SMC6: variants seen among roughly 807,000 people sequenced by gnomAD.
SMC6 encodes structural maintenance of chromosomes protein 6.
Under a neutral mutation model 142.2 loss-of-function variants are expected in SMC6, and 79 were observed. The ratio of observed to expected loss-of-function variants is 0.56; its 90% CI spans 0.46 to 0.67. The LOEUF (loss-of-function observed/expected upper bound fraction) is 0.67, where lower values mean the gene tolerates loss of function less well. Among genes scored for constraint, SMC6 ranks in the 30% least tolerant of loss-of-function variants. The probability of loss-of-function intolerance (pLI) is 0.00; values close to 1 mark genes in which losing one functional copy is unlikely to be tolerated. For missense variants in SMC6, 1,072 were observed against 1,284.0 expected, an observed-to-expected ratio of 0.83 and a Z score of 2.52; for synonymous variants, 411 against 412.4, an observed-to-expected ratio of 1.00 and a Z score of 0.04.
intron 9 of SMC6, among the ~76,000 whole-genome samples, chr2:17,722,604 T>C (rs576552646): frequency 6.6e-6 from 1 of 152,306 alleles, no homozygotes; most frequent in East Asian, 1.9e-4. Context: ...CTGTTTTCAC[T>C]GCTACTGAAA....
In SMC6 at chr2:17,695,315, T is replaced by C; in HGVS notation, c.2533-18A>G. ...ATTTTCTCCTAAGAAAGTAGATGTT[T>C]ATATCTTTAAAACTCTTCTTTGATA... On this transcript the variant is annotated intron_variant, in intron 22 of 27. Coordinates refer to ENST00000448223, the MANE Select transcript of SMC6 (RefSeq NM_001142286.2). 6.2e-7 allele frequency: 1 copy of C among 1,606,434 alleles called. No homozygotes were observed. Among genetic ancestry groups the C allele is most frequent in the Non-Finnish European group, 8.5e-7 (1 of 1,178,120 alleles).
chr2:17,731,194 A>T, intron 6 of SMC6, 55 bp from the exon 7 acceptor site: 2 of 1,168,802 alleles, frequency 1.7e-6, no homozygotes, highest in Non-Finnish European at 2.5e-6. Flanking sequence ...ATAACACAGA[A>T]AAAATGTATA....
intron 25 of SMC6, 37 bp from the exon 26 acceptor site, chr2:17,670,612 A>C: frequency 6.7e-7 from 1 of 1,494,046 alleles, no homozygotes; most frequent in Non-Finnish European, 8.9e-7. Context: ...CAAAAAACTA[A>C]GTAAATGAAA....
chr2:17,696,160 T>G, intron 22 of SMC6, 129 bp downstream of exon 22: 1 of 1,170,070 alleles, frequency 8.5e-7, no homozygotes, highest in South Asian at 1.6e-5. Flanking sequence ...CCCAAACACC[T>G]ATTACTCTAT....
At chr2:17,701,238 C>T (rs1221732082) in intron 20 of SMC6, among the ~76,000 whole-genome samples, 1 of 151,932 alleles carries the variant, frequency 6.6e-6, no homozygotes, top group Non-Finnish European at 1.5e-5. Context: ...AGTTAATATG[C>T]TTCCTGATAC....
At position 17,712,077 on chromosome 2, in the gene SMC6, T is replaced by C. The variant is rs577693033; in HGVS notation, c.1730+2784A>G. ...CTAAAGAGTATGAGAACCAAGAAAA[T>C]GGTGTCATAGTAACAAAAGGAATAT... On this transcript the variant is annotated intron_variant, in intron 16 of 27. Coordinates refer to ENST00000448223, the MANE Select transcript of SMC6 (RefSeq NM_001142286.2). 3.9e-5 allele frequency among the ~76,000 whole-genome samples: 6 copies of C among 151,902 alleles called. No individual in the cohort carries two copies. In the East Asian group the frequency reaches 9.7e-4, roughly 25 times the overall value.
At chr2:17,734,280 T>C (rs1161520634) in intron 5 of SMC6, among the ~76,000 whole-genome samples, 5 of 152,234 alleles carry the variant, frequency 3.3e-5, no homozygotes, top group African/African-American at 4.8e-5. Context: ...TATATATCCC[T>C]GCATCTTTAT....
At chr2:17,686,152 C>T (rs1306929310) in intron 23 of SMC6, among the ~76,000 whole-genome samples, 1 of 152,146 alleles carries the variant, frequency 6.6e-6, no homozygotes, top group Non-Finnish European at 1.5e-5. Flanking sequence ...AGTATCCTTT[C>T]TCATACAGGT....
At chr2:17,747,507 CTTT>C (rs11303424) in intron 2 of SMC6, among the ~76,000 whole-genome samples, 15 of 106,024 alleles carry the variant, frequency 1.4e-4, no homozygotes, top group Non-Finnish European at 2.0e-4. Flanking sequence ...CTTTTTCTTT[CTTT>C]TTTTTTTTTT....
chr2:17,673,860 C>T (rs1167994295), intron 25 of SMC6, among the ~76,000 whole-genome samples: 9 of 152,086 alleles, frequency 5.9e-5, no homozygotes, highest in South Asian at 2.1e-4. Context: ...TGAGCCACCA[C>T]GCCCGGCCGC....
rs1027797960 is a variant in SMC6, at chr2:17,721,397, T to A, written c.727-136A>T. 1.7e-5 allele frequency: 16 copies of A among 944,878 alleles called. No homozygotes were observed. In the African/African-American group the frequency reaches 2.2e-4, roughly 13 times the overall value. The allele number at this position is 944,878 out of a possible 1,614,324, so 58.5% of individuals were successfully genotyped here. The stretch of plus-strand genomic sequence containing the variant: ...TCGTTTAAAAATAACTTCTATTTTT[T>A]AAAATTATTCTTGATTCTTTGGTAT... On this transcript the variant is annotated intron_variant, in intron 9 of 27. Transcript: ENST00000448223.
intron 18 of SMC6, among the ~76,000 whole-genome samples, chr2:17,705,182 C>T (rs1668445087): frequency 6.6e-6 from 1 of 152,060 alleles, no homozygotes; most frequent in Non-Finnish European, 1.5e-5. Flanking sequence ...AGCTTGAACC[C>T]AGGAGGTGGA....
intron 24 of SMC6, among the ~76,000 whole-genome samples, chr2:17,682,400 A>G (rs1667275037): frequency 6.6e-6 from 1 of 152,184 alleles, no homozygotes; most frequent in Non-Finnish European, 1.5e-5. Flanking sequence ...AGGACAAAGG[A>G]GTAGAAATCA....
At chr2:17,695,859 C>T (rs1667961183) in intron 22 of SMC6, among the ~76,000 whole-genome samples, 1 of 152,118 alleles carries the variant, frequency 6.6e-6, no homozygotes, top group African/African-American at 2.4e-5. Context: ...ACAAGGTTGC[C>T]TTCAATTTAT....
At chr2:17,713,456 A>T (rs772870704) in intron 16 of SMC6, 8 of 470,604 alleles carry the variant, frequency 1.7e-5, no homozygotes, top group Non-Finnish European at 3.5e-5. Flanking sequence ...TGGCTAAGTG[A>T]TTAGAAGCAC....
chr2:17,691,137 G>A (rs1373216073), intron 23 of SMC6, among the ~76,000 whole-genome samples: 1 of 150,266 alleles, frequency 6.7e-6, no homozygotes, highest in African/African-American at 2.4e-5. Flanking sequence ...AGATCTTCAA[G>A]ATATATCACT....
chr2:17,695,168 G>C lies in SMC6; in HGVS notation c.2662C>G (p.Arg888Gly). 1 of 1,613,064 alleles carries C rather than the reference G, an allele frequency of 6.2e-7. No individual in the cohort carries two copies. Among genetic ancestry groups the C allele is most frequent in the Non-Finnish European group, 8.5e-7 (1 of 1,179,710 alleles). Residue 888 changes from arginine (R) to glycine (G), a missense_variant, in exon 23 of 28, where the codon CGA becomes GGA. Around this residue, in one of 3 missense-constraint regions of SMC6, gnomAD observed 994 missense variants for 1,153.2 expected, o/e 0.86. Coordinates refer to ENST00000448223, the MANE Select transcript of SMC6 (RefSeq NM_001142286.2). ...GCTACTTACCTCATTATTTCCTCTC[G>C]ATCTCCATGACTAGCATGTTCTGCC... ...IQAEHASHGDREEIMRQYQEA... is the reference protein window; with the variant it reads ...IQAEHASHGDGEEIMRQYQEA...
chr2:17,711,500 A>G (rs1668824106), intron 16 of SMC6, among the ~76,000 whole-genome samples: 1 of 152,064 alleles, frequency 6.6e-6, no homozygotes, highest in South Asian at 2.1e-4. Context: ...GGACAAAATG[A>G]TTTTTTTTCA....
At chr2:17,703,404 C>G in intron 18 of SMC6, 112 bp from the exon 19 acceptor site, 2 of 932,728 alleles carry the variant, frequency 2.1e-6, no homozygotes, top group East Asian at 5.6e-5. Context: ...GTGCAAAATC[C>G]TTTTCAGTTA....
Sources: gnomAD v4.1 joint callset for allele counts (sites outside exome capture counted in the v4.1 genomes callset) on GRCh38, gnomAD v4.1.1 for gene constraint, gnomAD v4.1.1 regional missense constraint, MANE v1.5 for transcripts, NCBI Gene and HGNC (gene_info 2026-07-23, HGNC 2026-07-21) for gene names.